Variants in NEBL observed in about 807,000 individuals in gnomAD.
The protein encoded by NEBL is nebulette.
Under a neutral mutation model 140.2 loss-of-function variants are expected in NEBL, and 122 were observed. The ratio of observed to expected loss-of-function variants is 0.87; its 90% CI spans 0.75 to 1.01. The LOEUF is 1.01. Ranked by LOEUF, NEBL falls within the 50% of genes least tolerant of loss-of-function variation. NEBL has a pLI of 0.00. For synonymous variants in NEBL, 436 were observed against 398.9 expected (o/e 1.09, Z -1.11); for missense variants, 1,365 against 1,231.3 (o/e 1.11, Z -1.62).
chr10:21,168,866 G>A (rs1840918357), intron 2 of NEBL, among the ~76,000 whole-genome samples: 1 of 150,654 alleles, frequency 6.6e-6, no homozygotes, highest in African/African-American at 2.4e-5. Flanking sequence ...AGCTAACATG[G>A]TGAAACCCTA....
chr10:21,067,059 G>C (rs1034364176), intron 2 of NEBL, among the ~76,000 whole-genome samples: 8 of 139,678 alleles, frequency 5.7e-5, no homozygotes, highest in African/African-American at 1.9e-4. Context: ...TGAAAGCTCC[G>C]CCTCCCGGGT....
intron 3 of NEBL, among the ~76,000 whole-genome samples, chr10:21,219,121 A>T (rs1234700716): frequency 1.3e-5 from 2 of 152,272 alleles, no homozygotes; most frequent in Non-Finnish European, 2.9e-5. Context: ...GCATGTGGTC[A>T]GGCCAAGACA....
chr10:21,164,269 G>A (rs960223125), intron 2 of NEBL, among the ~76,000 whole-genome samples: 1 of 152,186 alleles, frequency 6.6e-6, no homozygotes, highest in Non-Finnish European at 1.5e-5. Context: ...GAACAGAAAC[G>A]TAATTGATTT....
intron 2 of NEBL, among the ~76,000 whole-genome samples, chr10:21,080,922 C>A (rs1394754630): frequency 6.6e-6 from 1 of 152,134 alleles, no homozygotes; most frequent in Middle Eastern, 3.2e-3. Flanking sequence ...GGCACAATCT[C>A]AGCTCACTGT....
chr10:20,947,610 T>C (rs760707938), intron 4 of NEBL, among the ~76,000 whole-genome samples: 38 of 152,218 alleles, frequency 2.5e-4, no homozygotes, highest in African/African-American at 7.2e-4. Flanking sequence ...ATGAGCTTCA[T>C]AGTTGTTTAT....
rs1246394496 is a variant in NEBL, at chr10:21,054,817, ACAAT to A, written c.165-34620_165-34617del. Among the ~76,000 whole-genome samples the A allele has an allele frequency of 3.3e-5, 5 of 152,218 alleles. No individual in the cohort carries two copies. In the South Asian group the frequency reaches 8.3e-4, roughly 25 times the overall value. On this transcript the variant is annotated intron_variant, in intron 2 of 6. Transcript: ENST00000417816. ...TGGCACTTACTCGGAGGCATACAGTACAATCATAGTATCCAAAAATGCCCAAATT... is the reference window on the plus strand; with the variant it reads ...TGGCACTTACTCGGAGGCATACAGTACATAGTATCCAAAAATGCCCAAATT...
At chr10:20,806,471 C>T (rs777585971) in intron 26 of NEBL, among the ~76,000 whole-genome samples, 1 of 152,186 alleles carries the variant, frequency 6.6e-6, no homozygotes, top group Non-Finnish European at 1.5e-5. Context: ...CCCACAGCCT[C>T]GTTAACGTCC....
chr10:21,265,949 G>C (rs1013203801), intron 1 of NEBL, among the ~76,000 whole-genome samples: 3 of 152,130 alleles, frequency 2.0e-5, no homozygotes, highest in Non-Finnish European at 4.4e-5. Context: ...CCCAACCAAG[G>C]GTGAAGAAGT....
Position 20,923,666 on chromosome 10 carries a change from CAAAAAAAAA to C in NEBL, c.357+37997_357+38005del, listed in dbSNP as rs71390799. Reference sequence around the variant, plus strand: ...TGCACTCCAGAGCAAGACTCCGTCTCAAAAAAAAAAAAAAAAAAAAAAAAAAAAAAGAAA... The same window carrying C: ...TGCACTCCAGAGCAAGACTCCGTCTCAAAAAAAAAAAAAAAAAAAAAGAAA... On this transcript the variant is annotated intron_variant, in intron 4 of 6. Coordinates refer to the NEBL transcript ENST00000417816. 0.012 allele frequency among the ~76,000 whole-genome samples: 327 copies of C among 28,362 alleles called. 9 individuals carry two copies. In the Admixed American group the frequency reaches 0.13, roughly 12 times the overall value. 18.6% of individuals were successfully genotyped at this position (28,362 alleles called of 152,430 possible). A position where few individuals can be genotyped will look rare whatever the true frequency, so the allele number is the denominator to read the frequency against.
intron 10 of NEBL, among the ~76,000 whole-genome samples, chr10:20,851,392 C>T (rs765353213): frequency 2.0e-5 from 3 of 151,760 alleles, no homozygotes; most frequent in Non-Finnish European, 4.4e-5. Context: ...TTTAAAATAC[C>T]TATTTGTAGA....
At chr10:21,166,623 G>A (rs1278622874) in intron 2 of NEBL, among the ~76,000 whole-genome samples, 4 of 152,180 alleles carry the variant, frequency 2.6e-5, no homozygotes, top group Admixed American at 2.6e-4. Context: ...TCCTAGTGTT[G>A]TTTTGTTACT....
chr10:20,983,557 A>T, intron 3 of NEBL, among the ~76,000 whole-genome samples: 1 of 152,226 alleles, frequency 6.6e-6, no homozygotes, highest in African/African-American at 2.4e-5. Context: ...TCAAATTGCA[A>T]ATCGTTGTAC....
At chr10:21,184,116 G>T (rs1841428119) in intron 3 of NEBL, among the ~76,000 whole-genome samples, 1 of 152,278 alleles carries the variant, frequency 6.6e-6, no homozygotes, top group Admixed American at 6.5e-5. Flanking sequence ...CACAGGCCAA[G>T]CTTTTAATGA....
intron 2 of NEBL, among the ~76,000 whole-genome samples, chr10:21,098,752 C>G (rs974003026): frequency 6.6e-6 from 1 of 152,178 alleles, no homozygotes; most frequent in Non-Finnish European, 1.5e-5. Context: ...TAAGGAAGTC[C>G]TCCTCTGGCC....
At chr10:20,903,064 C>T (rs190718555) in intron 4 of NEBL, among the ~76,000 whole-genome samples, 2 of 152,042 alleles carry the variant, frequency 1.3e-5, no homozygotes, top group East Asian at 1.9e-4. Flanking sequence ...TATAGTAGCC[C>T]CCAGACCTTA....
chr10:20,961,657 T>C (rs1483683307), intron 4 of NEBL: 4 of 1,556,300 alleles, frequency 2.6e-6, no homozygotes, highest in Non-Finnish European at 8.9e-7. Flanking sequence ...TGCTATTGAA[T>C]AAACAGGCAC....
intron 5 of NEBL, among the ~76,000 whole-genome samples, chr10:20,872,307 G>A (rs1845026678): frequency 6.6e-6 from 1 of 152,088 alleles, no homozygotes; most frequent in African/African-American, 2.4e-5. Flanking sequence ...ATTCAAACAA[G>A]AGGACACCAC....
intron 4 of NEBL, among the ~76,000 whole-genome samples, chr10:20,944,117 G>A (rs909033406): frequency 6.6e-6 from 1 of 152,156 alleles, no homozygotes; most frequent in Admixed American, 6.5e-5. Context: ...GTTAAATATA[G>A]GCCGGGCGCA....
At chr10:20,875,698 T>C (rs1353077450) in intron 5 of NEBL, among the ~76,000 whole-genome samples, 1 of 151,964 alleles carries the variant, frequency 6.6e-6, no homozygotes, top group Non-Finnish European at 1.5e-5. Flanking sequence ...AGCTCAGGAA[T>C]GGCAGCCTTG....
Sources: gnomAD v4.1 joint callset for allele counts (sites outside exome capture counted in the v4.1 genomes callset) on GRCh38, gnomAD v4.1.1 for gene constraint, MANE v1.5 for transcripts, NCBI Gene and HGNC (gene_info 2026-07-23, HGNC 2026-07-21) for gene names.